DIP2C: variants seen among roughly 807,000 people sequenced by gnomAD.
DIP2C encodes DIP2 acetate--CoA ligase C (putative).
In DIP2C, 33 loss-of-function variants were observed where a neutral mutation model predicts 192.4. The ratio of observed to expected loss-of-function variants is 0.17; its 90% confidence interval spans 0.13 to 0.23. The LOEUF is 0.23. Ranked by LOEUF, DIP2C falls within the 10% of genes least tolerant of loss-of-function variation. The pLI is 1.00. For synonymous variants in DIP2C, 979 were observed against 864.1 expected (o/e 1.13, Z -2.33); for missense variants, 1,537 against 2,110.1 (o/e 0.73, Z 5.32).
At chr10:685,643 T>A (rs1831304332) in intron 1 of DIP2C, among the ~76,000 whole-genome samples, 1 of 152,114 alleles carries the variant, frequency 6.6e-6, no homozygotes, top group Admixed American at 6.5e-5. Flanking sequence ...CTAAATGCAA[T>A]CTTTTTTAAA....
intron 1 of DIP2C, among the ~76,000 whole-genome samples, chr10:633,016 T>G (rs1854612396): frequency 6.6e-6 from 1 of 152,268 alleles, no homozygotes. Context: ...CCTCCTGGGC[T>G]GCTCCAGCCA....
chr10:515,366 G>A (rs1047424395), intron 1 of DIP2C, among the ~76,000 whole-genome samples: 1 of 152,102 alleles, frequency 6.6e-6, no homozygotes, highest in Admixed American at 6.5e-5. Context: ...TCTCCTCCTA[G>A]GCTCTTCCAA....
chr10:476,937 G>T (rs1043880851), intron 2 of DIP2C, among the ~76,000 whole-genome samples: 1 of 151,940 alleles, frequency 6.6e-6, no homozygotes, highest in Non-Finnish European at 1.5e-5. Context: ...CCTTGCTCTC[G>T]GTGGAGCTGG....
At chr10:570,339 G>A (rs1849707604) in intron 1 of DIP2C, among the ~76,000 whole-genome samples, 1 of 152,180 alleles carries the variant, frequency 6.6e-6, no homozygotes, top group South Asian at 2.1e-4. Context: ...ACAGGGCCCT[G>A]CTGACACAGG....
intron 31 of DIP2C, among the ~76,000 whole-genome samples, chr10:316,257 T>A (rs1956768369): frequency 6.6e-6 from 1 of 152,212 alleles, no homozygotes; most frequent in Non-Finnish European, 1.5e-5. Flanking sequence ...ACGAAGATTG[T>A]ATTTAAAAGA....
chr10:396,832 G>GT (rs1191799781), intron 10 of DIP2C, among the ~76,000 whole-genome samples: 2 of 64,234 alleles, frequency 3.1e-5, no homozygotes, highest in Non-Finnish European at 4.6e-5. Context: ...CCGGTGGGGG[G>GT]GGGGGAAACT....
At chr10:314,557 C>T (rs115713386) in intron 31 of DIP2C, among the ~76,000 whole-genome samples, 2 of 152,332 alleles carry the variant, frequency 1.3e-5, no homozygotes, top group African/African-American at 4.8e-5. Context: ...AGCAGCTGGA[C>T]GCCGTCCTTC....
intron 1 of DIP2C, among the ~76,000 whole-genome samples, chr10:601,187 A>G (rs1261203520): frequency 2.6e-5 from 4 of 152,184 alleles, no homozygotes; most frequent in African/African-American, 9.7e-5. Flanking sequence ...TAATTATAGT[A>G]CTTTCATTGC....
intron 1 of DIP2C, among the ~76,000 whole-genome samples, chr10:640,250 C>A (rs932782130): frequency 6.6e-6 from 1 of 152,216 alleles, no homozygotes; most frequent in African/African-American, 2.4e-5. Context: ...CAGGCACGGC[C>A]GCCCCGCCCA....
chr10:636,588 G>A lies in DIP2C; in HGVS notation c.85+52906C>T, dbSNP rs187223505. Among the ~76,000 whole-genome samples, 315 of 152,228 alleles carry A rather than the reference G, an allele frequency of 2.1e-3. 1 individual carries two copies. The highest frequency in any genetic ancestry group is 7.3e-3 in the African/African-American group (302 of 41,516). On this transcript the variant is annotated intron_variant, in intron 1 of 36. Transcript: ENST00000280886. The surrounding 1 kb of genome is among the most constrained non-coding windows in gnomAD (Gnocchi z 4.6). ...CAGACAAGAACCATTTCAGAGCATC[G>A]CTGTCCACTTTATATTCAATAAGCA...
chr10:327,814 G>A (rs1321567408), intron 30 of DIP2C, among the ~76,000 whole-genome samples: 4 of 152,170 alleles, frequency 2.6e-5, no homozygotes, highest in Admixed American at 6.5e-5. Context: ...TCTCAAGCGT[G>A]TCTGTTTCCA....
intron 6 of DIP2C, among the ~76,000 whole-genome samples, chr10:418,722 G>C (rs1965972457): frequency 6.6e-6 from 1 of 152,236 alleles, no homozygotes; most frequent in South Asian, 2.1e-4. Context: ...CTAAGTGACT[G>C]TTCATGGTCT....
intron 16 of DIP2C, 103 bp from the exon 17 acceptor site, chr10:382,864 G>A: frequency 1.5e-6 from 1 of 678,504 alleles, no homozygotes. Context: ...AGGCACAAGT[G>A]GATCTAGGCA....
intron 32 of DIP2C, among the ~76,000 whole-genome samples, chr10:301,209 G>A (rs748416060): frequency 1.3e-5 from 2 of 152,214 alleles, no homozygotes; most frequent in Non-Finnish European, 2.9e-5. Flanking sequence ...GTGTTCAGCT[G>A]TCAGGAGAGA....
chr10:427,429 G>A (rs1966663252), intron 4 of DIP2C, among the ~76,000 whole-genome samples: 1 of 152,180 alleles, frequency 6.6e-6, no homozygotes, highest in Admixed American at 6.5e-5. Flanking sequence ...TGGGGAGTAG[G>A]ACCTGGGTAT....
chr10:392,549 C>T (rs1963551716), intron 10 of DIP2C, among the ~76,000 whole-genome samples: 1 of 152,238 alleles, frequency 6.6e-6, no homozygotes, highest in Admixed American at 6.5e-5. Context: ...GCTGCTCCTC[C>T]GCACGTGTAG....
chr10:431,296 A>AAT (rs1424162589), intron 4 of DIP2C, among the ~76,000 whole-genome samples: 1 of 152,188 alleles, frequency 6.6e-6, no homozygotes, highest in East Asian at 1.9e-4. Flanking sequence ...ACATCTTGAC[A>AAT]ATATTCAGTT....
chr10:407,128 A>C (rs1964862979), intron 9 of DIP2C, among the ~76,000 whole-genome samples: 1 of 152,166 alleles, frequency 6.6e-6, no homozygotes, highest in Non-Finnish European at 1.5e-5. Context: ...TGCGTGAATC[A>C]CTTTCTCCAT....
At chr10:511,572 A>C (rs1846014828) in intron 1 of DIP2C, among the ~76,000 whole-genome samples, 2 of 152,148 alleles carry the variant, frequency 1.3e-5, no homozygotes, top group South Asian at 4.1e-4. Context: ...TTTACCCATA[A>C]AGACTTAGAA....
Sources: allele counts gnomAD v4.1 joint callset (sites outside exome capture counted in the v4.1 genomes callset), GRCh38; gene constraint gnomAD v4.1.1; non-coding constraint Gnocchi (gnomAD v3.1); transcripts MANE v1.5; gene names NCBI Gene and HGNC (gene_info 2026-07-23, HGNC 2026-07-21).